SETD2: variants seen among roughly 807,000 people sequenced by gnomAD.
The protein encoded by SETD2 is histone-lysine N-methyltransferase SETD2.
A neutral mutation model predicts 242.1 loss-of-function variants in SETD2; 31 were observed. That is an observed-to-expected ratio of 0.13 (90% CI 0.10 to 0.17). The LOEUF is 0.17. Among genes scored for constraint, SETD2 ranks in the 10% least tolerant of loss-of-function variants. SETD2 has a pLI of 1.00. For missense variants in SETD2, 2,481 were observed against 3,046.3 expected (o/e 0.81, Z 4.37); for synonymous variants, 1,006 against 1,066.5 (o/e 0.94, Z 1.11).
In SETD2 at chr3:47,067,087, G is replaced by A. The variant is rs750045087; in HGVS notation, c.6092C>T (p.Thr2031Ile). Residue 2031 changes from threonine (T) to isoleucine (I), a missense_variant, in exon 13 of 21, where the codon ACT becomes ATT. Transcript: ENST00000409792. ...EVYRIPKKSQ[T>I]EKENTTTERG... ...ATACCTACTTGTGTTTTCCTTTTCA[G>A]TTTGACTTTTCTTTGGAATTCGATA... The A allele has an allele frequency of 1.9e-6, 3 of 1,611,592 alleles. No individual in the cohort carries two copies. The highest frequency in any genetic ancestry group is 2.5e-6 in the Non-Finnish European group (3 of 1,178,026).
intron 5 of SETD2, among the ~76,000 whole-genome samples, chr3:47,111,135 G>C (rs2042635543): frequency 6.8e-6 from 1 of 146,972 alleles, no homozygotes; most frequent in African/African-American, 2.5e-5. Context: ...TGGCTGGCTA[G>C]GGCAGAATGA....
At chr3:47,059,108 C>CTTTTTTTT (rs111615859) in intron 14 of SETD2, among the ~76,000 whole-genome samples, 1 of 104,552 alleles carries the variant, frequency 9.6e-6, no homozygotes. Context: ...CACGCCTGGC[C>CTTTTTTTT]TTTTTTTTTT....
chr3:47,137,994 C>T (rs374096153), intron 1 of SETD2, among the ~76,000 whole-genome samples: 3 of 146,476 alleles, frequency 2.0e-5, no homozygotes, highest in East Asian at 4.1e-4. Flanking sequence ...TTTTTTGAGA[C>T]GGAGTCTCGC....
intron 3 of SETD2, among the ~76,000 whole-genome samples, chr3:47,119,148 G>C (rs534157451): frequency 6.6e-6 from 1 of 152,030 alleles, no homozygotes; most frequent in Non-Finnish European, 1.5e-5. Context: ...AGAGTAAGGG[G>C]GCAGGATACT....
At chr3:47,088,553 C>T (rs1041960683) in intron 9 of SETD2, among the ~76,000 whole-genome samples, 7 of 150,740 alleles carry the variant, frequency 4.6e-5, no homozygotes, top group Middle Eastern at 3.4e-3. Flanking sequence ...AACAGAAAAA[C>T]CTGCCCTTAT....
At chr3:47,063,302 C>A (rs1433134580) in intron 13 of SETD2, among the ~76,000 whole-genome samples, 1 of 152,014 alleles carries the variant, frequency 6.6e-6, no homozygotes, top group Non-Finnish European at 1.5e-5. Context: ...AGCCAGAGAG[C>A]TACATCTTAA....
At chr3:47,061,516 G>C (rs553882622) in intron 14 of SETD2, among the ~76,000 whole-genome samples, 3 of 152,050 alleles carry the variant, frequency 2.0e-5, no homozygotes, top group Admixed American at 2.0e-4. Context: ...AGAAAGAAAT[G>C]GACAATAAAT....
intron 18 of SETD2, among the ~76,000 whole-genome samples, chr3:47,028,599 C>G (rs1444445106): frequency 6.6e-6 from 1 of 152,172 alleles, no homozygotes. Flanking sequence ...GCTCAACATT[C>G]TTAATGGAAA....
intron 12 of SETD2, among the ~76,000 whole-genome samples, chr3:47,078,892 C>T (rs939721329): frequency 6.6e-6 from 1 of 151,850 alleles, no homozygotes; most frequent in African/African-American, 2.4e-5. Context: ...CACCATGCCT[C>T]GCTAATTTTT....
intron 14 of SETD2, among the ~76,000 whole-genome samples, chr3:47,059,611 G>A (rs902624090): frequency 6.6e-6 from 1 of 151,016 alleles, no homozygotes; most frequent in African/African-American, 2.4e-5. Context: ...GTAGAGATGG[G>A]GTTTCACCAT....
At chr3:47,163,831 G>A in intron 1 of SETD2, 23 bp downstream of exon 1, 1 of 1,270,084 alleles carries the variant, frequency 7.9e-7, no homozygotes, top group Non-Finnish European at 1.0e-6. Context: ...ACAGCAGCGG[G>A]GGGCCGCGGA....
intron 6 of SETD2, among the ~76,000 whole-genome samples, chr3:47,103,877 A>G (rs554799081): frequency 2.0e-5 from 3 of 152,334 alleles, no homozygotes; most frequent in Admixed American, 1.3e-4. Context: ...TTTTGCCCAT[A>G]GGCAAAATTA....
intron 15 of SETD2, among the ~76,000 whole-genome samples, chr3:47,056,274 G>A (rs34318388): frequency 2.0e-5 from 3 of 151,554 alleles, no homozygotes; most frequent in Admixed American, 6.6e-5. Flanking sequence ...ACAGGCATGA[G>A]CCACCATGGC....
At chr3:47,111,601 G>A (rs546084246) in intron 5 of SETD2, among the ~76,000 whole-genome samples, 1 of 152,014 alleles carries the variant, frequency 6.6e-6, no homozygotes, top group Non-Finnish European at 1.5e-5. Flanking sequence ...AACCAGTTAT[G>A]AGCCAGGGTG....
At chr3:47,048,588 T>C (rs1183213289) in intron 15 of SETD2, among the ~76,000 whole-genome samples, 2 of 152,162 alleles carry the variant, frequency 1.3e-5, no homozygotes, top group Non-Finnish European at 2.9e-5. Context: ...TAACTGTAAC[T>C]TACTATAACT....
chr3:47,147,671 C>T (rs1183856108), intron 1 of SETD2, among the ~76,000 whole-genome samples: 1 of 151,198 alleles, frequency 6.6e-6, no homozygotes, highest in African/African-American at 2.4e-5. Flanking sequence ...CTCCTGTAAT[C>T]CCAGCACTTT....
chr3:47,145,088 G>A (rs1056269383), intron 1 of SETD2, among the ~76,000 whole-genome samples: 1 of 152,160 alleles, frequency 6.6e-6, no homozygotes, highest in East Asian at 1.9e-4. Context: ...TACATCTACA[G>A]AGGTGAGAAC....
intron 1 of SETD2, among the ~76,000 whole-genome samples, chr3:47,143,991 T>C (rs1262124720): frequency 3.3e-5 from 5 of 152,098 alleles, no homozygotes; most frequent in Non-Finnish European, 7.4e-5. Context: ...ATTACAGGCA[T>C]GAGCCACTGC....
chr3:47,068,427 GATT>G (rs2040658900), intron 12 of SETD2, among the ~76,000 whole-genome samples: 1 of 150,494 alleles, frequency 6.6e-6, no homozygotes, highest in Admixed American at 6.6e-5. Context: ...TAATAAAGAT[GATT>G]ATAATTAATT....
Sources: allele counts gnomAD v4.1 joint callset (sites outside exome capture counted in the v4.1 genomes callset), GRCh38; gene constraint gnomAD v4.1.1; transcripts MANE v1.5; gene names NCBI Gene and HGNC (gene_info 2026-07-23, HGNC 2026-07-21).